YBX3: variants seen among roughly 807,000 people sequenced by gnomAD.
YBX3 encodes Y-box-binding protein 3.
Under a neutral mutation model 42.4 loss-of-function variants are expected in YBX3, and 29 were observed. The ratio of observed to expected loss-of-function variants is 0.68; its 90% CI spans 0.51 to 0.93. The LOEUF (loss-of-function observed/expected upper bound fraction) is 0.93. Among genes scored for constraint, YBX3 ranks in the 40% least tolerant of loss-of-function variants. The probability of loss-of-function intolerance (pLI) is 0.00; values close to 1 mark genes in which losing one functional copy is unlikely to be tolerated. For synonymous variants in YBX3, 195 were observed against 189.8 expected, an observed-to-expected ratio of 1.03 and a Z score of -0.22; for missense variants, 517 against 527.5, an observed-to-expected ratio of 0.98 and a Z score of 0.19.
chr12:10,702,061 T>A lies in YBX3; in HGVS notation c.952A>T (p.Ser318Cys). ...AEDKENQQAT[S>C]GPNQPSVRRG... The stretch of plus-strand genomic sequence containing the variant: ...CGAACAGACGGCTGGTTTGGACCAC[T>A]GGTGGCTTGCTGATTTTCTTTATCT... Residue 318 changes from serine to cysteine, a missense_variant, in exon 8 of 10, where the codon AGT becomes TGT. Ser to Cys is a moderately radical substitution (Grantham distance 112). Coordinates refer to ENST00000228251, the MANE Select transcript of YBX3 (RefSeq NM_003651.5). The A allele has an allele frequency of 6.2e-7, 1 of 1,614,222 alleles. No homozygotes were observed.
chr12:10,715,339 G>A (rs1199758322), intron 4 of YBX3, among the ~76,000 whole-genome samples: 1 of 151,680 alleles, frequency 6.6e-6, no homozygotes, highest in Non-Finnish European at 1.5e-5. Context: ...AAGGTCAGGA[G>A]TTTCAAGACC....
At chr12:10,715,640 G>T in intron 4 of YBX3, 54 bp downstream of exon 4, 1 of 1,441,550 alleles carries the variant, frequency 6.9e-7, no homozygotes, top group Non-Finnish European at 9.8e-7. Flanking sequence ...ATAATTTATT[G>T]TGCAACAGTA....
chr12:10,722,947 G>A lies in YBX3; in HGVS notation c.165C>T (p.Asn55=). 7.8e-7 allele frequency: 1 copy of A among 1,283,564 alleles called. No individual in the cohort carries two copies. The highest frequency in any genetic ancestry group is 2.8e-5 in the South Asian group (1 of 35,378). The allele number at this position is 1,283,564 out of a possible 1,614,324, so 79.5% of individuals were successfully genotyped here. Residue 55 remains asparagine (N), a synonymous_variant, in exon 1 of 10, where the codon AAC becomes AAT. Coordinates refer to ENST00000228251, the MANE Select transcript of YBX3 (RefSeq NM_003651.5). The part of the protein sequence containing the change: ...APAPAAHVAG[N]PGGDAAPAAT... Reference sequence around the variant, plus strand: ...CTGCGGGGGCCGCGTCCCCACCGGGGTTTCCTGCGACGTGGGCGGCGGGCG... The same window carrying A: ...CTGCGGGGGCCGCGTCCCCACCGGGATTTCCTGCGACGTGGGCGGCGGGCG...
intron 1 of YBX3, among the ~76,000 whole-genome samples, chr12:10,719,961 G>C (rs1200499508): frequency 2.0e-5 from 3 of 152,050 alleles, no homozygotes; most frequent in Non-Finnish European, 4.4e-5. Flanking sequence ...GTATTTTGTA[G>C]GTTTATATTT....
rs781245935 is a variant in YBX3, at chr12:10,701,955, T to A, written c.1053+5A>T. On this transcript the variant is annotated splice_donor_5th_base_variant and intron_variant, in intron 8 of 9. Transcript: ENST00000228251. ...GCAACATCCGCCCTGACTGGTTGGA[T>A]TTACCTCTTTGCCATCTTGTGAAGG... The A allele has an allele frequency of 6.2e-7, 1 of 1,611,256 alleles. No individual in the cohort carries two copies. Among genetic ancestry groups the A allele is most frequent in the South Asian group, 1.1e-5 (1 of 90,792 alleles).
At chr12:10,718,963 G>A (rs774365035) in intron 2 of YBX3, 117 bp downstream of exon 2, 8 of 826,880 alleles carry the variant, frequency 9.7e-6, no homozygotes, top group South Asian at 1.7e-5. Context: ...AATATTTACA[G>A]TGCTTAGAAA....
At chr12:10,717,632 T>C (rs7304148) in intron 3 of YBX3, 29,754 of 152,436 alleles carry the variant, frequency 0.2, 3,719 homozygotes, top group Non-Finnish European at 0.28. Flanking sequence ...CTGGAAGTTT[T>C]CTCATCTTAC....
At chr12:10,714,350 C>A (rs1437951445) in intron 4 of YBX3, among the ~76,000 whole-genome samples, 2 of 152,194 alleles carry the variant, frequency 1.3e-5, no homozygotes, top group African/African-American at 4.8e-5. Context: ...CCATGATTAG[C>A]TGCCATGGCA....
In YBX3 at chr12:10,713,253, G is replaced by C; in HGVS notation, c.531C>G (p.Tyr177Ter). The C allele has an allele frequency of 6.2e-7, 1 of 1,614,052 alleles. No individual in the cohort carries two copies. The highest frequency in any genetic ancestry group is 1.1e-5 in the South Asian group (1 of 91,080). Residue 177 changes from tyrosine to a stop codon, truncating the protein, a stop_gained, in exon 5 of 10, where the codon TAC (tyrosine) becomes TAG (stop). Transcript: ENST00000228251. LOFTEE classifies it high-confidence loss of function. ...GGCGCCTTCCATAGTAGCCACGTCT[G>C]TAACGGCGCCGATCTGCAGCGTAAC... ...GSRYAADRRRYRRGYYGRRRG... is the reference protein window; with the variant it reads ...GSRYAADRRR
At chr12:10,721,956 C>G (rs1444119719) in intron 1 of YBX3, 1 of 152,272 alleles carries the variant, frequency 6.6e-6, no homozygotes, top group Non-Finnish European at 1.5e-5. Context: ...CAACAACCAT[C>G]ACAGAAACCC....
intron 6 of YBX3, 41 bp from the exon 7 acceptor site, chr12:10,704,189 A>T: frequency 1.3e-6 from 2 of 1,550,518 alleles, no homozygotes; most frequent in Non-Finnish European, 1.8e-6. Context: ...GTCACAGCAC[A>T]GGGGATAAGA....
rs7139026 is a variant in YBX3, at chr12:10,713,274, G to A, written c.510C>T (p.Tyr170=). 7,005 of 1,613,970 alleles carry A rather than the reference G, an allele frequency of 4.3e-3. 94 individuals carry two copies. Among genetic ancestry groups the A allele is most frequent in the East Asian group, 0.03 (1,333 of 44,856 alleles). Reference sequence around the variant, plus strand: ...GTCTGTAACGGCGCCGATCTGCAGCGTAACGACTCCCTTCCACAGGAACTC... The same window carrying A: ...GTCTGTAACGGCGCCGATCTGCAGCATAACGACTCCCTTCCACAGGAACTC... The part of the protein sequence containing the change: ...PDGVPVEGSR[Y]AADRRRYRRG... The change falls in exon 5 of 10, where the codon TAC becomes TAT. Residue 170 remains tyrosine, a synonymous_variant. Transcript: ENST00000228251.
Position 10,704,235 on chromosome 12 carries a change from G to C in YBX3, c.781-87C>G, listed in dbSNP as rs1196363631. Reference sequence around the variant, plus strand: ...ACAGCTATGTTCAGAATTTTTTTTAGAAGTAAAAAACAAAATGCTTCATTA... The same window carrying C: ...ACAGCTATGTTCAGAATTTTTTTTACAAGTAAAAAACAAAATGCTTCATTA... On this transcript the variant is annotated intron_variant, in intron 6 of 9. Transcript: ENST00000228251. 4.4e-6 allele frequency: 5 copies of C among 1,141,294 alleles called. No individual in the cohort carries two copies. The African/African-American group carries it at 7.9e-5, about 18-fold the overall frequency. The allele number at this position is 1,141,294 out of a possible 1,614,324, so 70.7% of individuals were successfully genotyped here. A position where few individuals can be genotyped will look rare whatever the true frequency, so the allele number is the denominator to read the frequency against.
At chr12:10,713,574 G>T (rs1307065245) in intron 4 of YBX3, among the ~76,000 whole-genome samples, 2 of 152,084 alleles carry the variant, frequency 1.3e-5, no homozygotes, top group Non-Finnish European at 2.9e-5. Flanking sequence ...AATGTCAATC[G>T]CAAAAGCAAT....
intron 5 of YBX3, 187 bp downstream of exon 5, chr12:10,713,024 A>T: frequency 1.3e-6 from 1 of 770,686 alleles, no homozygotes; most frequent in Non-Finnish European, 1.9e-6. Flanking sequence ...TTTCCCAAAA[A>T]CCTATGGAAA....
intron 4 of YBX3, among the ~76,000 whole-genome samples, chr12:10,714,762 C>CTTTT (rs202076071): frequency 6.9e-6 from 1 of 145,438 alleles, no homozygotes; most frequent in Non-Finnish European, 1.5e-5. Flanking sequence ...TTTTTCTTTT[C>CTTTT]TTTTTTTTTT....
chr12:10,711,206 C>A (rs1482964453), intron 5 of YBX3: 1 of 152,006 alleles, frequency 6.6e-6, no homozygotes, highest in East Asian at 1.9e-4. Flanking sequence ...TTTTAAAAAA[C>A]CAAACATCCT....
chr12:10,720,689 G>A (rs1489103921), intron 1 of YBX3: 1 of 152,096 alleles, frequency 6.6e-6, no homozygotes, highest in East Asian at 1.9e-4. Flanking sequence ...TATAAAGACT[G>A]GAACTGTTTT....
At chr12:10,714,055 CCAAAA>C (rs1289053961) in intron 4 of YBX3, among the ~76,000 whole-genome samples, 2 of 152,112 alleles carry the variant, frequency 1.3e-5, no homozygotes, top group African/African-American at 4.8e-5. Context: ...AAAAATCAAC[CCAAAA>C]CAATTTTTTA....
Sources: allele counts gnomAD v4.1 joint callset (sites outside exome capture counted in the v4.1 genomes callset), GRCh38; gene constraint gnomAD v4.1.1; transcripts MANE v1.5; gene names NCBI Gene and HGNC (gene_info 2026-07-23, HGNC 2026-07-21).